The following PIBF1 variants were observed in gnomAD, a reference collection of about 807,000 sequenced individuals.
The protein encoded by PIBF1 is progesterone-induced-blocking factor 1.
A neutral mutation model predicts 112.5 loss-of-function variants in PIBF1; 90 were observed. That is an observed-to-expected ratio of 0.80 (90% CI 0.67 to 0.95). PIBF1 has a LOEUF of 0.95. Among genes scored for constraint, PIBF1 ranks in the 40% least tolerant of loss-of-function variants. The pLI is 0.00. For missense variants in PIBF1, 915 were observed against 852.3 expected, an observed-to-expected ratio of 1.07 and a Z score of -0.92; for synonymous variants, 301 against 288.6, an observed-to-expected ratio of 1.04 and a Z score of -0.44.
intron 10 of PIBF1, among the ~76,000 whole-genome samples, chr13:72,887,202 C>A (rs997353434): frequency 1.3e-5 from 2 of 151,384 alleles, no homozygotes; most frequent in African/African-American, 4.8e-5. Flanking sequence ...AACTAAAAAG[C>A]AAAAGAAAAC....
intron 10 of PIBF1, among the ~76,000 whole-genome samples, chr13:72,863,118 G>A (rs894892583): frequency 6.6e-6 from 1 of 151,880 alleles, no homozygotes; most frequent in Non-Finnish European, 1.5e-5. Context: ...ACTATAAATG[G>A]AACAGACTAT....
intron 16 of PIBF1, among the ~76,000 whole-genome samples, chr13:72,992,226 G>A (rs1044632769): frequency 6.6e-6 from 1 of 152,146 alleles, no homozygotes; most frequent in Non-Finnish European, 1.5e-5. Context: ...TAAACAAGTG[G>A]TAAAAGGAAA....
At chr13:72,796,714 A>G (rs966038327) in intron 4 of PIBF1, among the ~76,000 whole-genome samples, 1 of 151,884 alleles carries the variant, frequency 6.6e-6, no homozygotes, top group African/African-American at 2.4e-5. Flanking sequence ...GTCCAAAACA[A>G]ATTAAATATC....
intron 10 of PIBF1, among the ~76,000 whole-genome samples, chr13:72,893,453 A>C (rs1470774006): frequency 6.6e-6 from 1 of 152,158 alleles, no homozygotes; most frequent in Non-Finnish European, 1.5e-5. Flanking sequence ...ATAGATTTAA[A>C]AAGGCCTATG....
At chr13:72,974,442 A>C (rs1221827623) in intron 16 of PIBF1, among the ~76,000 whole-genome samples, 1 of 152,200 alleles carries the variant, frequency 6.6e-6, no homozygotes, top group African/African-American at 2.4e-5. Flanking sequence ...AAATGCTATA[A>C]AAGTGAAATT....
intron 10 of PIBF1, chr13:72,884,452 G>C (rs1162932626): frequency 6.6e-6 from 1 of 152,164 alleles, no homozygotes; most frequent in East Asian, 1.9e-4. Context: ...GAGAGGAAAA[G>C]CAACACTTTC....
intron 10 of PIBF1, among the ~76,000 whole-genome samples, chr13:72,879,993 T>C (rs930153424): frequency 2.0e-5 from 3 of 152,238 alleles, no homozygotes; most frequent in African/African-American, 7.2e-5. Flanking sequence ...ACTTACTCTT[T>C]GGTCCTTTAC....
intron 14 of PIBF1, 136 bp downstream of exon 14, chr13:72,931,403 T>A: frequency 1.5e-6 from 1 of 688,352 alleles, no homozygotes; most frequent in Non-Finnish European, 2.5e-6. Flanking sequence ...TGAAACTAAC[T>A]GAATGTTAAG....
chr13:72,840,575 G>A (rs1442029621), intron 9 of PIBF1, among the ~76,000 whole-genome samples: 1 of 149,132 alleles, frequency 6.7e-6, no homozygotes, highest in African/African-American at 2.5e-5. Flanking sequence ...CCAGACTGGA[G>A]TGCAGTGGCG....
At chr13:72,930,702 TTTG>T (rs1439863723) in intron 13 of PIBF1, among the ~76,000 whole-genome samples, 1 of 152,240 alleles carries the variant, frequency 6.6e-6, no homozygotes, top group Non-Finnish European at 1.5e-5. Context: ...AAACCTCATT[TTTG>T]TTTTATATTA....
intron 5 of PIBF1, among the ~76,000 whole-genome samples, chr13:72,810,281 G>A (rs2035946210): frequency 6.6e-6 from 1 of 152,128 alleles, no homozygotes; most frequent in African/African-American, 2.4e-5. Context: ...AGTTCAGCAT[G>A]CTTTTTCATA....
At chr13:72,879,167 C>A (rs896103404) in intron 10 of PIBF1, among the ~76,000 whole-genome samples, 3 of 151,970 alleles carry the variant, frequency 2.0e-5, no homozygotes, top group African/African-American at 7.2e-5. Flanking sequence ...TTCTTTGTTT[C>A]TATTTTTCAC....
intron 8 of PIBF1, among the ~76,000 whole-genome samples, chr13:72,829,547 A>G (rs1417960771): frequency 6.6e-6 from 1 of 152,166 alleles, no homozygotes; most frequent in Non-Finnish European, 1.5e-5. Flanking sequence ...TCTTTTCCCC[A>G]TTGCTTGTTT....
chr13:72,913,113 G>A (rs2040952990), intron 12 of PIBF1, among the ~76,000 whole-genome samples: 1 of 151,732 alleles, frequency 6.6e-6, no homozygotes, highest in South Asian at 2.1e-4. Flanking sequence ...TGTCTCTAAA[G>A]ATGATTGTCA....
At chr13:72,947,997 G>A (rs1375062434) in intron 14 of PIBF1, among the ~76,000 whole-genome samples, 6 of 151,888 alleles carry the variant, frequency 4.0e-5, no homozygotes, top group Non-Finnish European at 7.4e-5. Flanking sequence ...CAAACACCAC[G>A]TGTTCTCACT....
intron 10 of PIBF1, among the ~76,000 whole-genome samples, chr13:72,887,159 A>G (rs1273692588): frequency 6.6e-6 from 1 of 151,586 alleles, no homozygotes; most frequent in South Asian, 2.1e-4. Context: ...TTCAGTATCC[A>G]GGTATATATT....
rs765088598 is a variant in PIBF1, at chr13:72,795,509, A to G, written c.504A>G (p.Lys168=). Residue 168 remains lysine (K), a synonymous_variant, in exon 4 of 18, where the codon AAA becomes AAG. Transcript: ENST00000326291. ...AGTTGACAGAAGAGCAATATATTAA[A>G]TTAAAAGCTTTTCCTGAAGATCAGC... The part of the protein sequence containing the change: ...DFELTEEQYI[K]LKAFPEDQLS... 16 of 1,604,186 alleles carry G rather than the reference A, an allele frequency of 1.0e-5. 1 individual carries two copies. Among genetic ancestry groups the G allele is most frequent in the Middle Eastern group, 1.7e-4 (1 of 5,998 alleles).
chr13:72,876,248 G>A (rs1228481857), intron 10 of PIBF1, among the ~76,000 whole-genome samples: 1 of 143,392 alleles, frequency 7.0e-6, no homozygotes, highest in Non-Finnish European at 1.5e-5. Flanking sequence ...TCAGTTGACT[G>A]TGCGGGTCTA....
chr13:72,799,481 T>C (rs933858410), intron 5 of PIBF1, among the ~76,000 whole-genome samples: 2 of 152,162 alleles, frequency 1.3e-5, no homozygotes, highest in African/African-American at 4.8e-5. Context: ...GTGCCCCCAC[T>C]CCAAACTTCA....
Sources: gnomAD v4.1 joint callset for allele counts (sites outside exome capture counted in the v4.1 genomes callset) on GRCh38, gnomAD v4.1.1 for gene constraint, MANE v1.5 for transcripts, NCBI Gene and HGNC (gene_info 2026-07-23, HGNC 2026-07-21) for gene names.